The following TMEFF1 variants were observed in gnomAD, a reference collection of about 807,000 sequenced individuals.
The protein encoded by TMEFF1 is tomoregulin-1.
TMEFF1 carries 20 observed loss-of-function variants against 47.5 expected under a neutral mutation model. That is an observed-to-expected ratio of 0.42 (90% CI 0.30 to 0.61). The LOEUF is 0.61. Among genes scored for constraint, TMEFF1 ranks in the 20% least tolerant of loss-of-function variants. The pLI is 0.19. For missense variants in TMEFF1, 411 were observed against 471.1 expected, an observed-to-expected ratio of 0.87 and a Z score of 1.18; for synonymous variants, 162 against 166.3, an observed-to-expected ratio of 0.97 and a Z score of 0.20.
chr9:100,523,910 A>T (rs559383635), intron 5 of TMEFF1, among the ~76,000 whole-genome samples: 1 of 152,328 alleles, frequency 6.6e-6, no homozygotes, highest in East Asian at 1.9e-4. Flanking sequence ...GTGCTAAATC[A>T]TAGAAGGTAT....
rs1043291806 is a variant in TMEFF1 at position 100,498,660 on chromosome 9, C to T, written c.197-105C>T. 4.1e-6 allele frequency: 4 copies of T among 968,010 alleles called. No individual in the cohort carries two copies. In the African/African-American group the frequency reaches 6.7e-5, roughly 16 times the overall value. 60.0% of individuals were successfully genotyped at this position (968,010 alleles called of 1,614,324 possible). ...TATTACACTTCTGAATGGGGGGGCT[C>T]AATACATTTTAAGGACTTTTTCATA... On this transcript the variant is annotated intron_variant, in intron 1 of 9. Transcript: ENST00000374879.
intron 1 of TMEFF1, among the ~76,000 whole-genome samples, chr9:100,490,835 T>TGG (rs1249426654): frequency 8.9e-5 from 8 of 89,460 alleles, no homozygotes; most frequent in East Asian, 3.5e-4. Flanking sequence ...CTTATATGTA[T>TGG]GGTGTGTGTG....
At chr9:100,516,534 T>G in intron 4 of TMEFF1, 141 bp from the exon 5 acceptor site, 2 of 1,049,738 alleles carry the variant, frequency 1.9e-6, no homozygotes, top group Non-Finnish European at 2.7e-6. Context: ...ACTTCAAGCA[T>G]TGGTAGATTT....
At chr9:100,556,349 A>G (rs1033228417) in intron 7 of TMEFF1, among the ~76,000 whole-genome samples, 4 of 152,150 alleles carry the variant, frequency 2.6e-5, no homozygotes, top group Non-Finnish European at 5.9e-5. Flanking sequence ...TCATTTTTAC[A>G]TAATTCTGTA....
At chr9:100,565,603 TCTC>T (rs1470943294) in intron 8 of TMEFF1, among the ~76,000 whole-genome samples, 4 of 152,042 alleles carry the variant, frequency 2.6e-5, no homozygotes, top group Non-Finnish European at 4.4e-5. Context: ...CTTTGTACCT[TCTC>T]CTCTCTCCTC....
intron 5 of TMEFF1, among the ~76,000 whole-genome samples, chr9:100,525,873 A>G (rs907686146): frequency 6.6e-6 from 1 of 152,206 alleles, no homozygotes; most frequent in Non-Finnish European, 1.5e-5. Flanking sequence ...AATACTTATT[A>G]TTATACCACT....
chr9:100,540,579 G>T (rs576617270), intron 5 of TMEFF1, among the ~76,000 whole-genome samples: 59 of 152,320 alleles, frequency 3.9e-4, no homozygotes, highest in African/African-American at 1.3e-3. Flanking sequence ...CCCCCACAGT[G>T]CAGTGGCAGA....
At chr9:100,477,937 C>CT (rs1471249855) in intron 1 of TMEFF1, among the ~76,000 whole-genome samples, 1 of 152,078 alleles carries the variant, frequency 6.6e-6, no homozygotes, top group Non-Finnish European at 1.5e-5. Context: ...TGCATTTCTC[C>CT]TTTTTTGAAA....
chr9:100,487,010 T>C (rs1837462525), intron 1 of TMEFF1, among the ~76,000 whole-genome samples: 1 of 152,208 alleles, frequency 6.6e-6, no homozygotes, highest in Non-Finnish European at 1.5e-5. Flanking sequence ...ACTGCTGATG[T>C]TGCTGTATCA....
intron 5 of TMEFF1, among the ~76,000 whole-genome samples, chr9:100,546,025 C>T (rs1335502388): frequency 6.6e-6 from 1 of 152,200 alleles, no homozygotes; most frequent in Non-Finnish European, 1.5e-5. Flanking sequence ...TCCAAACTTT[C>T]CCACATTTTC....
intron 8 of TMEFF1, among the ~76,000 whole-genome samples, chr9:100,571,410 T>C (rs1839236763): frequency 6.6e-6 from 1 of 152,204 alleles, no homozygotes; most frequent in South Asian, 2.1e-4. Flanking sequence ...AGTATTATAT[T>C]TCTGTTTTGA....
intron 1 of TMEFF1, among the ~76,000 whole-genome samples, chr9:100,490,865 GTGTGTGTA>G (rs1554682730): frequency 1.4e-4 from 20 of 148,138 alleles, no homozygotes; most frequent in African/African-American, 4.8e-4. Context: ...GTGTGTGTGT[GTGTGTGTA>G]TGTGTGTATG....
intron 5 of TMEFF1, among the ~76,000 whole-genome samples, chr9:100,533,026 G>A (rs1331391054): frequency 6.8e-6 from 1 of 146,052 alleles, no homozygotes. Flanking sequence ...CTCATAGGTG[G>A]GAATTGAACA....
At chr9:100,482,937 A>G (rs1279704266) in intron 1 of TMEFF1, among the ~76,000 whole-genome samples, 1 of 152,092 alleles carries the variant, frequency 6.6e-6, no homozygotes, top group Admixed American at 6.5e-5. Context: ...ATCTCTGATT[A>G]TACCATTGTC....
intron 5 of TMEFF1, among the ~76,000 whole-genome samples, chr9:100,543,136 C>G (rs1838665403): frequency 6.6e-6 from 1 of 152,118 alleles, no homozygotes; most frequent in South Asian, 2.1e-4. Flanking sequence ...CCATGTTGGT[C>G]AGGCTGGTCA....
At chr9:100,507,145 A>G (rs1355203568) in intron 2 of TMEFF1, among the ~76,000 whole-genome samples, 3 of 152,148 alleles carry the variant, frequency 2.0e-5, no homozygotes, top group African/African-American at 7.2e-5. Context: ...CTCAGTTAGG[A>G]TATTGGCCTC....
intron 1 of TMEFF1, among the ~76,000 whole-genome samples, chr9:100,487,866 C>T (rs867204907): frequency 1.1e-4 from 17 of 151,810 alleles, no homozygotes; most frequent in South Asian, 8.3e-4. Context: ...AATTGGAACC[C>T]CAAGTCTGGA....
At chr9:100,567,074 C>G (rs2118563942) in intron 8 of TMEFF1, among the ~76,000 whole-genome samples, 1 of 152,232 alleles carries the variant, frequency 6.6e-6, no homozygotes, top group African/African-American at 2.4e-5. Flanking sequence ...TAAAATCCTT[C>G]CAGTGGTTCC....
At chr9:100,486,031 C>G (rs1239812052) in intron 1 of TMEFF1, among the ~76,000 whole-genome samples, 3 of 149,668 alleles carry the variant, frequency 2.0e-5, no homozygotes, top group Non-Finnish European at 3.0e-5. Context: ...AGCTCAATTT[C>G]TCTCTCTCTT....
Sources: gnomAD v4.1 joint callset for allele counts (sites outside exome capture counted in the v4.1 genomes callset) on GRCh38, gnomAD v4.1.1 for gene constraint, MANE v1.5 for transcripts, NCBI Gene and HGNC (gene_info 2026-07-23, HGNC 2026-07-21) for gene names.